RBFOX1: variants seen among roughly 807,000 people sequenced by gnomAD.
RBFOX1 encodes RNA binding fox-1 homolog 1.
In RBFOX1, 8 loss-of-function variants were observed where a neutral mutation model predicts 57.7. The ratio of observed to expected loss-of-function variants is 0.14; its 90% CI spans 0.08 to 0.25. The LOEUF (loss-of-function observed/expected upper bound fraction) is 0.25. Ranked by LOEUF, RBFOX1 falls within the 10% of genes least tolerant of loss-of-function variation. The pLI, the probability that RBFOX1 is intolerant of heterozygous loss-of-function variation, is 1.00. For synonymous variants in RBFOX1, 326 were observed against 222.4 expected, an observed-to-expected ratio of 1.47 and a Z score of -4.15; for missense variants, 611 against 548.5, an observed-to-expected ratio of 1.11 and a Z score of -1.14.
rs1029397234 is a variant in RBFOX1 at position 7,382,465 on chromosome 16, A to G, written c.28-135682A>G. Among the ~76,000 whole-genome samples the G allele has an allele frequency of 3.3e-5, 5 of 152,220 alleles. No individual in the cohort carries two copies. The South Asian group carries it at 6.2e-4, about 19-fold the overall frequency. On this transcript the variant is annotated intron_variant, in intron 4 of 15. Transcript: ENST00000550418. Reference sequence around the variant, plus strand: ...TGATATATGGCTTTAATTAAATGAAAGTACTTGGTTTCTTGTTAGCGCTTA... The same window carrying G: ...TGATATATGGCTTTAATTAAATGAAGGTACTTGGTTTCTTGTTAGCGCTTA...
intron 2 of RBFOX1, among the ~76,000 whole-genome samples, chr16:5,507,985 G>T (rs188966443): frequency 4.6e-5 from 7 of 152,268 alleles, no homozygotes; most frequent in Admixed American, 4.6e-4. Context: ...GCCCTGGGAA[G>T]CTCACATGGC....
intron 1 of RBFOX1, among the ~76,000 whole-genome samples, chr16:5,423,935 G>T (rs900603193): frequency 6.6e-6 from 1 of 152,132 alleles, no homozygotes; most frequent in Non-Finnish European, 1.5e-5. Context: ...TGACAACCTT[G>T]TGAGGTTTTC....
chr16:6,258,777 A>G (rs2097684161), intron 1 of RBFOX1, among the ~76,000 whole-genome samples: 1 of 152,204 alleles, frequency 6.6e-6, no homozygotes, highest in Non-Finnish European at 1.5e-5. Context: ...ATTGTTTGCA[A>G]CACAAGGGAT....
intron 1 of RBFOX1, among the ~76,000 whole-genome samples, chr16:6,296,307 A>C (rs2078095369): frequency 6.6e-6 from 1 of 152,184 alleles, no homozygotes. Context: ...TGGCTTTATT[A>C]CTAAAAAGCT....
At chr16:6,676,065 A>G (rs1014927011) in intron 3 of RBFOX1, among the ~76,000 whole-genome samples, 2 of 151,964 alleles carry the variant, frequency 1.3e-5, no homozygotes, top group Non-Finnish European at 2.9e-5. Flanking sequence ...AGGGAAGTCA[A>G]CATAGGGGTT....
chr16:6,941,758 C>T (rs2078559407), intron 3 of RBFOX1, among the ~76,000 whole-genome samples: 1 of 152,172 alleles, frequency 6.6e-6, no homozygotes, highest in Non-Finnish European at 1.5e-5. Context: ...CTATACCAAG[C>T]AAGAGGTAGA....
At chr16:5,367,918 T>G (rs62017731) in intron 1 of RBFOX1, among the ~76,000 whole-genome samples, 4,769 of 152,240 alleles carry the variant, frequency 0.031, 104 homozygotes, top group Middle Eastern at 0.078. Context: ...GTTAAGAAGA[T>G]CCACACCTCA....
At chr16:5,343,576 C>T (rs960963530) in intron 1 of RBFOX1, among the ~76,000 whole-genome samples, 1 of 152,038 alleles carries the variant, frequency 6.6e-6, no homozygotes, top group East Asian at 1.9e-4. Flanking sequence ...CTGCCTTGGC[C>T]TCCCAAAGTG....
rs2076138591 is a variant in RBFOX1 at position 6,279,247 on chromosome 16, A to G, written c.-126-37748A>G. ...TATGTTAGGATTAGTCTGGTTATCA[A>G]TTTCTGTATCTGGCACCTAGCTAAG... is the stretch of plus-strand genomic sequence containing the variant. On this transcript the variant is annotated intron_variant, in intron 1 of 15. Coordinates refer to ENST00000550418, the MANE Select transcript of RBFOX1 (RefSeq NM_018723.4). 2.6e-5 allele frequency among the ~76,000 whole-genome samples: 4 copies of G among 152,268 alleles called. No homozygotes were observed. The South Asian group carries it at 8.3e-4, about 32-fold the overall frequency.
At chr16:6,733,896 G>T (rs1471710301) in intron 3 of RBFOX1, among the ~76,000 whole-genome samples, 1 of 152,218 alleles carries the variant, frequency 6.6e-6, no homozygotes, top group Non-Finnish European at 1.5e-5. Context: ...CTGATTGTCA[G>T]CGCTATGCTG....
intron 4 of RBFOX1, among the ~76,000 whole-genome samples, chr16:7,411,119 T>G (rs985385131): frequency 6.6e-6 from 1 of 152,106 alleles, no homozygotes; most frequent in African/African-American, 2.4e-5. Context: ...CCAATTTTTG[T>G]ATTTTTAGTA....
intron 4 of RBFOX1, among the ~76,000 whole-genome samples, chr16:7,372,782 A>C (rs1400599794): frequency 6.6e-6 from 1 of 151,008 alleles, no homozygotes; most frequent in African/African-American, 2.5e-5. Context: ...GGAGAAAGGG[A>C]GGGAGGAAGA....
rs1466540383 is a variant in RBFOX1 at position 6,005,825 on chromosome 16, C to G, written c.351+138490C>G. Among the ~76,000 whole-genome samples, 3 of 152,148 alleles carry G rather than the reference C, an allele frequency of 2.0e-5. 1 individual carries two copies. The highest frequency in any genetic ancestry group is 4.4e-5 in the Non-Finnish European group (3 of 68,024). On this transcript the variant is annotated intron_variant, in intron 4 of 19. Transcript: ENST00000641259. The stretch of plus-strand genomic sequence containing the variant: ...TAAAAAAAGGCTAATGGCATTTGAG[C>G]TGGGTCTTGAGTCAGGTATATGGCT...
At chr16:6,914,548 A>C (rs1444680458) in intron 3 of RBFOX1, among the ~76,000 whole-genome samples, 1 of 146,382 alleles carries the variant, frequency 6.8e-6, no homozygotes, top group African/African-American at 2.7e-5. Context: ...TTTCAGCTCC[A>C]GAAGAAAACA....
rs113032378 is a variant in RBFOX1, at chr16:6,838,570, T to C, written c.-16+183920T>C. On this transcript the variant is annotated intron_variant, in intron 3 of 15. Coordinates refer to ENST00000550418, the MANE Select transcript of RBFOX1 (RefSeq NM_018723.4). The stretch of plus-strand genomic sequence containing the variant: ...TACTCTGCACACACTGCCTATGAGG[T>C]AGTCCTCTTCTGCTGCCCCTCTGCT... 7.5e-4 allele frequency among the ~76,000 whole-genome samples: 114 copies of C among 152,300 alleles called. 1 individual carries two copies. The highest frequency in any genetic ancestry group is 2.6e-3 in the African/African-American group (109 of 41,566).
rs369990930 is a variant in RBFOX1 at position 6,501,108 on chromosome 16, CTTTGTCTTGCCAG to C, written c.-63-153492_-63-153480del. On this transcript the variant is annotated intron_variant, in intron 2 of 15. Transcript: ENST00000550418. ...GTTCAGAGGTCTTTCTGCTGAGCCT[CTTTGTCTTGCCAG>C]TTAAACATTCTTTTTTTTTTTTTTT... Among the ~76,000 whole-genome samples the C allele has an allele frequency of 5.0e-3, 685 of 135,672 alleles. 22 individuals are homozygous for C. The East Asian group carries it at 0.096, about 19-fold the overall frequency. The allele number at this position is 135,672 out of a possible 152,430, so 89.0% of individuals were successfully genotyped here. A position where few individuals can be genotyped will look rare whatever the true frequency, so the allele number is the denominator to read the frequency against.
intron 3 of RBFOX1, among the ~76,000 whole-genome samples, chr16:5,819,768 C>G (rs1393050921): frequency 6.6e-6 from 1 of 152,168 alleles, no homozygotes. Flanking sequence ...TAGTTTCTTT[C>G]AACAAATATT....
chr16:7,646,573 G>A (rs2063783414), intron 11 of RBFOX1, among the ~76,000 whole-genome samples: 2 of 152,176 alleles, frequency 1.3e-5, no homozygotes, highest in African/African-American at 2.4e-5. Context: ...TCATCCATTC[G>A]GATGCCCACC....
At chr16:5,730,604 A>G (rs2052330251) in intron 3 of RBFOX1, among the ~76,000 whole-genome samples, 1 of 152,044 alleles carries the variant, frequency 6.6e-6, no homozygotes, top group Admixed American at 6.6e-5. Context: ...CAACATCACC[A>G]CTGCCGTTGT....
Sources: gnomAD v4.1 joint callset for allele counts (sites outside exome capture counted in the v4.1 genomes callset) on GRCh38, gnomAD v4.1.1 for gene constraint, MANE v1.5 for transcripts, NCBI Gene and HGNC (gene_info 2026-07-23, HGNC 2026-07-21) for gene names.